Variants in ASAP1 observed in about 807,000 individuals in gnomAD.
ASAP1 encodes the protein ArfGAP with SH3 domain, ankyrin repeat and PH domain 1, also known as arf-GAP with SH3 domain, ANK repeat and PH domain-containing protein 1.
ASAP1 carries 43 observed loss-of-function variants against 145.2 expected under a neutral mutation model. The observed-to-expected ratio is 0.30, with a 90% CI of 0.23 to 0.38. ASAP1 has a LOEUF of 0.38. ASAP1 is among the 10% of genes least tolerant of loss of function. The pLI is 1.00. For synonymous variants in ASAP1, 546 were observed against 515.5 expected, an observed-to-expected ratio of 1.06 and a Z score of -0.80; for missense variants, 1,018 against 1,355.3, an observed-to-expected ratio of 0.75 and a Z score of 3.91.
intron 3 of ASAP1, among the ~76,000 whole-genome samples, chr8:130,327,771 C>CT (rs1824431567): frequency 1.3e-5 from 2 of 152,158 alleles, no homozygotes; most frequent in Non-Finnish European, 2.9e-5. Flanking sequence ...AGGAGTGACT[C>CT]TGACAGTTAC....
chr8:130,148,768 A>T (rs1565018001), intron 13 of ASAP1, among the ~76,000 whole-genome samples: 2 of 152,248 alleles, frequency 1.3e-5, no homozygotes, highest in Admixed American at 6.5e-5. Flanking sequence ...AAAAACAAAC[A>T]ATTCAAAACT....
At chr8:130,209,599 A>G (rs1178580379) in intron 5 of ASAP1, among the ~76,000 whole-genome samples, 1 of 152,144 alleles carries the variant, frequency 6.6e-6, no homozygotes, top group African/African-American at 2.4e-5. Context: ...ACCCATAATG[A>G]AAAAGTAAAA....
intron 9 of ASAP1, among the ~76,000 whole-genome samples, chr8:130,178,422 T>G (rs560177837): frequency 6.6e-6 from 1 of 152,194 alleles, no homozygotes; most frequent in East Asian, 1.9e-4. Flanking sequence ...CACCACAGAA[T>G]CACAAACATA....
At chr8:130,404,567 T>C (rs1225829544) in intron 1 of ASAP1, among the ~76,000 whole-genome samples, 2 of 152,244 alleles carry the variant, frequency 1.3e-5, no homozygotes, top group Non-Finnish European at 2.9e-5. Flanking sequence ...AGTCAATGCC[T>C]CTCCCAGCCT....
chr8:130,271,760 T>G (rs1820601449), intron 3 of ASAP1, among the ~76,000 whole-genome samples: 1 of 152,210 alleles, frequency 6.6e-6, no homozygotes, highest in Non-Finnish European at 1.5e-5. Context: ...CCAATGAAAC[T>G]ATACATTTTC....
At chr8:130,124,177 T>C in intron 17 of ASAP1, 73 bp from the exon 18 acceptor site, 1 of 1,070,212 alleles carries the variant, frequency 9.3e-7, no homozygotes, top group Non-Finnish European at 1.4e-6. Flanking sequence ...CTATTATTTG[T>C]TTTTGAGATT....
intron 3 of ASAP1, among the ~76,000 whole-genome samples, chr8:130,279,721 G>C (rs1821141919): frequency 6.6e-6 from 1 of 152,196 alleles, no homozygotes; most frequent in African/African-American, 2.4e-5. Flanking sequence ...AGATGAGAAA[G>C]AGTTAGCAAT....
chr8:130,283,734 T>C (rs1200519676), intron 3 of ASAP1, among the ~76,000 whole-genome samples: 1 of 151,832 alleles, frequency 6.6e-6, no homozygotes, highest in East Asian at 1.9e-4. Flanking sequence ...TGAGACTGGA[T>C]ACATGAGGAA....
Position 130,287,348 on chromosome 8 carries a change from T to C in ASAP1, c.187-50354A>G, listed in dbSNP as rs561111614. ...AGGTTACTTCAGATTAGGAAGAGCT[T>C]GAACAAAGGGACAATGCAGTATAGA... On this transcript the variant is annotated intron_variant, in intron 3 of 29. Transcript: ENST00000518721. Among the ~76,000 whole-genome samples, 5 of 152,274 alleles carry C rather than the reference T, an allele frequency of 3.3e-5. 1 individual carries two copies. Among genetic ancestry groups the C allele is most frequent in the African/African-American group, 1.2e-4 (5 of 41,556 alleles).
At chr8:130,337,746 C>G (rs1825124266) in intron 3 of ASAP1, among the ~76,000 whole-genome samples, 1 of 152,022 alleles carries the variant, frequency 6.6e-6, no homozygotes, top group African/African-American at 2.4e-5. Context: ...TTTTACTTTC[C>G]TCTCCTCTCA....
intron 13 of ASAP1, among the ~76,000 whole-genome samples, chr8:130,144,110 G>C (rs2097620652): frequency 6.6e-6 from 1 of 152,136 alleles, no homozygotes; most frequent in African/African-American, 2.4e-5. Flanking sequence ...TCAATAAATA[G>C]TTTTTTAGAC....
At chr8:130,402,008 T>G (rs746480762) in intron 1 of ASAP1, 38 bp from the exon 2 acceptor site, 9 of 1,426,738 alleles carry the variant, frequency 6.3e-6, no homozygotes, top group Non-Finnish European at 8.8e-6. Context: ...ACAAGAGTCA[T>G]CCGGTGAAAC....
At position 130,305,631 on chromosome 8, in the gene ASAP1, C is replaced by T. The variant is rs1029233461; in HGVS notation, c.186+52386G>A. Among the ~76,000 whole-genome samples the T allele has an allele frequency of 3.3e-5, 5 of 152,298 alleles. 1 individual carries two copies. The East Asian group carries it at 9.6e-4, about 29-fold the overall frequency. On this transcript the variant is annotated intron_variant, in intron 3 of 29. Transcript: ENST00000518721. ...TCAGGTGATCCTCCTCCCTCGGCCT[C>T]CCAAAGTGCTGAGATTACAGGCATG...
At chr8:130,167,438 T>C (rs759797168) in intron 11 of ASAP1, 98 bp downstream of exon 11, 2 of 951,228 alleles carry the variant, frequency 2.1e-6, no homozygotes, top group Non-Finnish European at 3.5e-6. Context: ...GCATATTATA[T>C]ATCACTGTGC....
At position 130,060,636 on chromosome 8, in the gene ASAP1, G is replaced by A. The variant is rs946391002; in HGVS notation, c.3135C>T (p.Asn1045=). The change falls in exon 28 of 30, where the codon AAC becomes AAT. Residue 1045 remains asparagine, a synonymous_variant. Coordinates refer to ENST00000518721, the MANE Select transcript of ASAP1 (RefSeq NM_018482.4). ...AIQKQASEDS[N]DLTPTLPETP... is the part of the protein sequence containing the mutation. The stretch of plus-strand genomic sequence containing the variant: ...TCTCTGGCAGAGTAGGCGTGAGGTC[G>A]TTGGAGTCTTCAGATGCTTGCTTTT... 1.4e-5 allele frequency: 22 copies of A among 1,614,066 alleles called. No individual in the cohort carries two copies. The highest frequency in any genetic ancestry group is 4.0e-5 in the African/African-American group (3 of 74,920).
intron 9 of ASAP1, among the ~76,000 whole-genome samples, chr8:130,175,972 A>G (rs1390109831): frequency 2.0e-5 from 3 of 152,250 alleles, no homozygotes; most frequent in African/African-American, 7.2e-5. Context: ...TCATAATGAC[A>G]CTTGTGAGGA....
chr8:130,234,892 G>GA (rs1818122830), intron 4 of ASAP1, among the ~76,000 whole-genome samples: 1 of 152,062 alleles, frequency 6.6e-6, no homozygotes, highest in Non-Finnish European at 1.5e-5. Flanking sequence ...GTTGTATGTG[G>GA]AATCACTGAA....
rs1274442652 is a variant in ASAP1 at position 130,356,290 on chromosome 8, A to C, written c.186+1727T>G. Among the ~76,000 whole-genome samples the C allele has an allele frequency of 3.3e-5, 5 of 152,224 alleles. No homozygotes were observed. The East Asian group carries it at 9.6e-4, about 29-fold the overall frequency. On this transcript the variant is annotated intron_variant, in intron 3 of 29. Transcript: ENST00000518721. ...AAATGTGCAGGAAGAGAACGTTAAA[A>C]TAACTGGCAGCTCTATTAGGAGGCA...
intron 2 of ASAP1, among the ~76,000 whole-genome samples, chr8:130,390,507 C>T (rs1207050361): frequency 1.3e-5 from 2 of 152,224 alleles, no homozygotes; most frequent in African/African-American, 4.8e-5. Flanking sequence ...TATGATTACA[C>T]CTACCATACT....
Sources: allele counts gnomAD v4.1 joint callset (sites outside exome capture counted in the v4.1 genomes callset), GRCh38; gene constraint gnomAD v4.1.1; transcripts MANE v1.5; gene names NCBI Gene and HGNC (gene_info 2026-07-23, HGNC 2026-07-21).